KIAA0586: variants seen among roughly 807,000 people sequenced by gnomAD.
The protein encoded by KIAA0586 is KIAA0586.
Under a neutral mutation model 169.8 loss-of-function variants are expected in KIAA0586, and 144 were observed. The ratio of observed to expected loss-of-function variants is 0.85; its 90% CI spans 0.74 to 0.97. The LOEUF is 0.97. Among genes scored for constraint, KIAA0586 ranks in the 50% least tolerant of loss-of-function variants. The pLI is 0.00. For missense variants in KIAA0586, 1,854 were observed against 1,823.0 expected (o/e 1.02, Z -0.31); for synonymous variants, 625 against 612.4 (o/e 1.02, Z -0.30).
chr14:58,445,004 G>A (rs574327618), intron 6 of KIAA0586, among the ~76,000 whole-genome samples: 2 of 150,726 alleles, frequency 1.3e-5, no homozygotes, highest in South Asian at 4.2e-4. Flanking sequence ...GAGACTGCCG[G>A]AGACCTTGAG....
At chr14:58,435,158 T>C (rs1168316894) in intron 4 of KIAA0586, among the ~76,000 whole-genome samples, 1 of 151,980 alleles carries the variant, frequency 6.6e-6, no homozygotes, top group East Asian at 1.9e-4. Flanking sequence ...GCTTAAGGAA[T>C]AGAAGGGTTT....
chr14:58,537,710 T>G (rs752877482), intron 29 of KIAA0586, among the ~76,000 whole-genome samples: 10 of 151,998 alleles, frequency 6.6e-5, no homozygotes, highest in Admixed American at 1.3e-4. Flanking sequence ...TGCAGTGGCG[T>G]GATCTTGGCT....
rs2141193303 is a variant in KIAA0586, at chr14:58,487,944, C to T, written c.3362C>T (p.Thr1121Ile). Residue 1121 changes from threonine to isoleucine, a missense_variant, in exon 23 of 31, where the codon ACA becomes ATA. Physicochemically the swap from Thr to Ile is moderately conservative, Grantham distance 89. Transcript: ENST00000652326. ...VNTPTVTPTT[T>I]PPPAAAVFTP... ...ACTCCAACAGTTACCCCTACTACTACACCTCCTCCAGCGGCGGCAGTTTTT... is the reference window on the plus strand; with the variant it reads ...ACTCCAACAGTTACCCCTACTACTATACCTCCTCCAGCGGCGGCAGTTTTT... 2 of 1,613,732 alleles carry T rather than the reference C, an allele frequency of 1.2e-6. No homozygotes were observed. The highest frequency in any genetic ancestry group is 1.7e-6 in the Non-Finnish European group (2 of 1,179,816).
chr14:58,453,065 G>A (rs768788919), intron 8 of KIAA0586, among the ~76,000 whole-genome samples: 25 of 151,688 alleles, frequency 1.6e-4, no homozygotes, highest in Non-Finnish European at 2.5e-4. Context: ...TTACAGGCAC[G>A]CACCACCATA....
In KIAA0586 at chr14:58,444,026, C is replaced by T. The variant is rs756320285; in HGVS notation, c.658C>T (p.His220Tyr). The T allele has an allele frequency of 5.2e-5, 84 of 1,611,914 alleles. 1 individual carries two copies. The South Asian group carries it at 8.9e-4, about 17-fold the overall frequency. The change falls in exon 6 of 31, where the codon CAC (histidine) becomes TAC (tyrosine). Residue 220 changes from histidine (H) to tyrosine (Y), a missense_variant. Physicochemically the swap from His to Tyr is moderately conservative, Grantham distance 83. Coordinates refer to ENST00000652326, the MANE Select transcript of KIAA0586 (RefSeq NM_001329943.3). ...LLSKLQETDKHLQRVTEQQTS... is the reference protein window; with the variant it reads ...LLSKLQETDKYLQRVTEQQTS... ...TAGTAAATTACAGGAGACTGATAAACACCTGCAACGTGTTACAGAGCAGCA... is the reference window on the plus strand; with the variant it reads ...TAGTAAATTACAGGAGACTGATAAATACCTGCAACGTGTTACAGAGCAGCA...
chr14:58,490,163 G>C lies in KIAA0586; in HGVS notation c.3782-1G>C. 7.5e-7 allele frequency: 1 copy of C among 1,324,546 alleles called. No individual in the cohort carries two copies. Among genetic ancestry groups the C allele is most frequent in the Non-Finnish European group, 1.0e-6 (1 of 972,218 alleles). 82.0% of individuals were successfully genotyped at this position (1,324,546 alleles called of 1,614,324 possible). A position where few individuals can be genotyped will look rare whatever the true frequency, so the allele number is the denominator to read the frequency against. ...CTAAACTTTTATATTTTAATTTCTA[G>C]TTTTAGAAGATATAGGACTGTACCT... is the stretch of plus-strand genomic sequence containing the variant. On this transcript the variant is annotated splice_acceptor_variant, in intron 24 of 30. Coordinates refer to ENST00000652326, the MANE Select transcript of KIAA0586 (RefSeq NM_001329943.3). LOFTEE classifies it high-confidence loss of function.
At chr14:58,545,009 A>G (rs540518381) in intron 30 of KIAA0586, among the ~76,000 whole-genome samples, 16 of 152,190 alleles carry the variant, frequency 1.1e-4, no homozygotes, top group Non-Finnish European at 1.5e-4. Flanking sequence ...GTATTCCTAT[A>G]CATGTTTATC....
chr14:58,488,550 G>GT, intron 23 of KIAA0586, 71 bp from the exon 24 acceptor site: 5 of 1,538,064 alleles, frequency 3.3e-6, no homozygotes, highest in Non-Finnish European at 4.4e-6. Flanking sequence ...CTTCGAGTCT[G>GT]TTTTTTATAT....
At chr14:58,559,804 T>A in the KIAA0586 span, among the ~76,000 whole-genome samples, 27 of 152,208 alleles carry the variant, frequency 1.8e-4, no homozygotes, top group East Asian at 4.4e-3. Flanking sequence ...AATGAGATCA[T>A]GAAATACAAA....
chr14:58,497,536 T>G (rs1033000496), intron 26 of KIAA0586, among the ~76,000 whole-genome samples: 3 of 145,890 alleles, frequency 2.1e-5, no homozygotes, highest in African/African-American at 2.7e-5. Context: ...ATTTTTGTAC[T>G]TTTTTTTTAG....
chr14:58,497,651 C>T (rs995213628), intron 26 of KIAA0586, among the ~76,000 whole-genome samples: 1 of 151,914 alleles, frequency 6.6e-6, no homozygotes, highest in African/African-American at 2.4e-5. Flanking sequence ...AGCCACCACG[C>T]CAGGCCTCTA....
intron 12 of KIAA0586, among the ~76,000 whole-genome samples, chr14:58,458,940 G>A (rs773251952): frequency 6.6e-6 from 1 of 152,096 alleles, no homozygotes; most frequent in Non-Finnish European, 1.5e-5. Context: ...CTAAGTTTAC[G>A]GAAGTCAGTT....
chr14:58,504,259 G>A (rs914449502), intron 27 of KIAA0586, among the ~76,000 whole-genome samples: 5 of 152,162 alleles, frequency 3.3e-5, no homozygotes, highest in African/African-American at 1.2e-4. Context: ...TATAAAAAGG[G>A]AGATTTGAGA....
chr14:58,524,306 G>A (rs2045424479), intron 29 of KIAA0586, among the ~76,000 whole-genome samples: 1 of 152,176 alleles, frequency 6.6e-6, no homozygotes, highest in African/African-American at 2.4e-5. Context: ...TTAGAACAGA[G>A]AAGTGATATA....
rs2041712074 is a variant in KIAA0586, at chr14:58,477,256, A to T, written c.2944+15A>T. On this transcript the variant is annotated intron_variant, in intron 20 of 30. Transcript: ENST00000652326. ...TTCTGACATTGGTAAGTGAAATAGA[A>T]TTTTTTTTTGTTTTTATTAAAAGAC... 4 of 1,367,380 alleles carry T rather than the reference A, an allele frequency of 2.9e-6. No individual in the cohort carries two copies. The highest frequency in any genetic ancestry group is 4.1e-6 in the Non-Finnish European group (4 of 985,096). The allele number at this position is 1,367,380 out of a possible 1,614,324, so 84.7% of individuals were successfully genotyped here. A position where few individuals can be genotyped will look rare whatever the true frequency, so the allele number is the denominator to read the frequency against.
intron 16 of KIAA0586, among the ~76,000 whole-genome samples, chr14:58,470,130 T>C (rs182553567): frequency 2.2e-4 from 33 of 151,940 alleles, no homozygotes; most frequent in African/African-American, 6.5e-4. Flanking sequence ...TGTAGTGATA[T>C]ATATATAATA....
chr14:58,494,328 T>G (rs1255476292), intron 26 of KIAA0586, among the ~76,000 whole-genome samples: 1 of 16,126 alleles, frequency 6.2e-5, no homozygotes, highest in Non-Finnish European at 1.8e-4. Context: ...TGTTTTTTGT[T>G]GTTTTTTTTT....
At chr14:58,497,696 G>T (rs747978494) in intron 26 of KIAA0586, among the ~76,000 whole-genome samples, 10 of 151,782 alleles carry the variant, frequency 6.6e-5, no homozygotes, top group Non-Finnish European at 1.5e-4. Flanking sequence ...GATATATGGG[G>T]TAACCTTTAT....
At position 58,428,303 on chromosome 14, in the gene KIAA0586, G is replaced by C. The variant is rs1329564591; in HGVS notation, c.39G>C (p.Lys13Asn). ...AGGTCAGCTTGGAGAAGAAAAAAAAGATTAAGATGCCAGTGAAGAGACTTC... is the reference window on the plus strand; with the variant it reads ...AGGTCAGCTTGGAGAAGAAAAAAAACATTAAGATGCCAGTGAAGAGACTTC... ...GSEVSLEKKK[K>N]IKMPVKRLRE... The change falls in exon 1 of 31, where the codon AAG (lysine) becomes AAC (asparagine). Residue 13 changes from lysine (K) to asparagine (N), a missense_variant. Physicochemically the swap from Lys to Asn is moderately conservative, Grantham distance 94. Coordinates refer to ENST00000652326, the MANE Select transcript of KIAA0586 (RefSeq NM_001329943.3). 6.2e-7 allele frequency: 1 copy of C among 1,613,772 alleles called. No homozygotes were observed. The highest frequency in any genetic ancestry group is 8.5e-7 in the Non-Finnish European group (1 of 1,179,854).
Sources: allele counts gnomAD v4.1 joint callset (sites outside exome capture counted in the v4.1 genomes callset), GRCh38; gene constraint gnomAD v4.1.1; transcripts MANE v1.5; gene names NCBI Gene and HGNC (gene_info 2026-07-23, HGNC 2026-07-21).